Variants in FTO observed in about 807,000 individuals in gnomAD.
The protein encoded by FTO is alpha-ketoglutarate-dependent dioxygenase FTO.
FTO carries 47 observed loss-of-function variants against 63.9 expected under a neutral mutation model. That is an observed-to-expected ratio of 0.74 (90% CI 0.58 to 0.94). The LOEUF (loss-of-function observed/expected upper bound fraction) is 0.94. FTO is among the 40% of genes least tolerant of loss of function. The pLI, the probability that FTO is intolerant of heterozygous loss-of-function variation, is 0.00. For synonymous variants in FTO, 207 were observed against 224.4 expected (o/e 0.92, Z 0.69); for missense variants, 562 against 618.1 (o/e 0.91, Z 0.96).
chr16:53,845,521 T>G (rs1310157257), intron 4 of FTO, among the ~76,000 whole-genome samples: 3 of 152,260 alleles, frequency 2.0e-5, no homozygotes, highest in African/African-American at 7.2e-5. Context: ...GTCACAATCA[T>G]GTACTTCTGC....
chr16:53,719,632 G>GTTTT (rs751170395), intron 1 of FTO, among the ~76,000 whole-genome samples: 6 of 100,022 alleles, frequency 6.0e-5, no homozygotes, highest in Admixed American at 2.0e-4. Context: ...CTGGTAGTCT[G>GTTTT]TTTTTTTTTT....
chr16:53,874,064 G>A (rs1323413094), intron 5 of FTO, among the ~76,000 whole-genome samples, 199 bp downstream of exon 5: 1 of 152,178 alleles, frequency 6.6e-6, no homozygotes, highest in Non-Finnish European at 1.5e-5. Flanking sequence ...CATGCCATGG[G>A]ATAAGTGTGT....
At chr16:53,904,712 T>C (rs1256743088) in intron 7 of FTO, among the ~76,000 whole-genome samples, 1 of 152,126 alleles carries the variant, frequency 6.6e-6, no homozygotes, top group Non-Finnish European at 1.5e-5. Flanking sequence ...TGCCTGATTT[T>C]CTGTTTAAAG....
At chr16:54,078,802 G>T (rs1466351857) in intron 8 of FTO, among the ~76,000 whole-genome samples, 2 of 152,072 alleles carry the variant, frequency 1.3e-5, no homozygotes, top group African/African-American at 2.4e-5. Context: ...GTTCACGCCT[G>T]GTGGGTCACT....
At chr16:53,784,357 G>A (rs1188415859) in intron 1 of FTO, among the ~76,000 whole-genome samples, 1 of 152,130 alleles carries the variant, frequency 6.6e-6, no homozygotes, top group Admixed American at 6.5e-5. Flanking sequence ...CTTTTCATGT[G>A]GGTTAGCTCT....
At chr16:53,851,354 G>T (rs1647314841) in intron 4 of FTO, among the ~76,000 whole-genome samples, 1 of 151,158 alleles carries the variant, frequency 6.6e-6, no homozygotes, top group South Asian at 2.1e-4. Context: ...AGCTACTCGG[G>T]AGGCTGAGGC....
chr16:53,880,064 G>T, intron 6 of FTO, 77 bp downstream of exon 6: 1 of 1,063,872 alleles, frequency 9.4e-7, no homozygotes, highest in Non-Finnish European at 1.4e-6. Flanking sequence ...GCATGACCTC[G>T]GCTCACTACA....
chr16:54,050,987 G>A lies in FTO; in HGVS notation c.1365-60775G>A, dbSNP rs574000098. Among the ~76,000 whole-genome samples the A allele has an allele frequency of 2.6e-5, 4 of 152,228 alleles. 1 individual carries two copies. The highest frequency in any genetic ancestry group is 7.2e-5 in the African/African-American group (3 of 41,540). ...AACTGAAATCGCACCACAAGCAGTT[G>A]GTTATCTGGAGATAGACATCTTCAA... On this transcript the variant is annotated intron_variant, in intron 8 of 8. Transcript: ENST00000471389.
chr16:53,927,742 T>G (rs1013017238), intron 7 of FTO, among the ~76,000 whole-genome samples: 2 of 152,004 alleles, frequency 1.3e-5, no homozygotes, highest in Non-Finnish European at 2.9e-5. Context: ...TGGAGAGAGA[T>G]CAAGTGAAAT....
At chr16:53,917,750 G>A (rs945230525) in intron 7 of FTO, among the ~76,000 whole-genome samples, 20 of 143,016 alleles carry the variant, frequency 1.4e-4, no homozygotes, top group African/African-American at 3.9e-4. Context: ...GTGTCCATCT[G>A]TCCATCCGTC....
intron 1 of FTO, among the ~76,000 whole-genome samples, chr16:53,779,799 A>G (rs2077544813): frequency 6.6e-6 from 1 of 152,174 alleles, no homozygotes; most frequent in African/African-American, 2.4e-5. Context: ...GCGCTTGTAA[A>G]TGCCTGCTGT....
At chr16:53,767,605 A>C (rs1217835466) in intron 1 of FTO, among the ~76,000 whole-genome samples, 1 of 152,030 alleles carries the variant, frequency 6.6e-6, no homozygotes, top group African/African-American at 2.4e-5. Context: ...AAACAGGGGA[A>C]GGTACCTCTT....
At chr16:53,883,622 C>CAAAAAAAAAAAAAAAA (rs36010057) in intron 6 of FTO, among the ~76,000 whole-genome samples, 4 of 59,344 alleles carry the variant, frequency 6.7e-5, no homozygotes, top group African/African-American at 3.3e-4. Context: ...AACTCTATCT[C>CAAAAAAAAAAAAAAAA]AAAAAAAAAA....
At position 54,120,786 on chromosome 16, in the gene FTO, T is replaced by G. The variant is rs552785732; in HGVS notation, c.*8871T>G. ...ACAGGAACAGCCCCTCCCTCCAAAT[T>G]TGAGCCCAGAAAGGAGAACCTTTGT... On this transcript the variant is annotated 3_prime_UTR_variant, in exon 9 of 9. Transcript: ENST00000471389. 6.6e-6 allele frequency: 1 copy of G among 152,312 alleles called. No homozygotes were observed. Among genetic ancestry groups the G allele is most frequent in the African/African-American group, 2.4e-5 (1 of 41,568 alleles). 9.4% of individuals were successfully genotyped at this position (152,312 alleles called of 1,614,324 possible). A position where few individuals can be genotyped will look rare whatever the true frequency, so the allele number is the denominator to read the frequency against.
chr16:54,010,343 C>T (rs545579920), intron 8 of FTO, among the ~76,000 whole-genome samples: 1 of 152,252 alleles, frequency 6.6e-6, no homozygotes, highest in South Asian at 2.1e-4. Flanking sequence ...GAGTTGGAGA[C>T]TGCAGTTAGC....
At chr16:53,895,896 TG>T (rs2081267883) in intron 7 of FTO, among the ~76,000 whole-genome samples, 2 of 152,166 alleles carry the variant, frequency 1.3e-5, no homozygotes, top group African/African-American at 4.8e-5. Context: ...TCTTAGTGTG[TG>T]GAGAGAAAAA....
intron 8 of FTO, among the ~76,000 whole-genome samples, chr16:54,080,664 A>G (rs910084619): frequency 2.0e-5 from 3 of 152,152 alleles, no homozygotes; most frequent in Non-Finnish European, 2.9e-5. Flanking sequence ...CTCAGCAAAG[A>G]TGAATGGGCT....
At chr16:53,741,905 C>T (rs1401502126) in intron 1 of FTO, among the ~76,000 whole-genome samples, 1 of 152,102 alleles carries the variant, frequency 6.6e-6, no homozygotes, top group East Asian at 1.9e-4. Flanking sequence ...GATCTGATTC[C>T]AAGCTCACTC....
chr16:54,023,297 A>C (rs899714043), intron 8 of FTO, among the ~76,000 whole-genome samples: 13 of 152,240 alleles, frequency 8.5e-5, no homozygotes, highest in African/African-American at 3.1e-4. Context: ...GAAGCAAGAA[A>C]GGGAGATCTC....
Sources: allele counts gnomAD v4.1 joint callset (sites outside exome capture counted in the v4.1 genomes callset), GRCh38; gene constraint gnomAD v4.1.1; transcripts MANE v1.5; gene names NCBI Gene and HGNC (gene_info 2026-07-23, HGNC 2026-07-21).